PLEKHH1: variants seen among roughly 807,000 people sequenced by gnomAD.
PLEKHH1 encodes the protein pleckstrin homology domain-containing family H member 1.
In PLEKHH1, 104 loss-of-function variants were observed where a neutral mutation model predicts 160.0. That is an observed-to-expected ratio of 0.65 (90% CI 0.55 to 0.76). The LOEUF (loss-of-function observed/expected upper bound fraction) is 0.76, where lower values mean the gene tolerates loss of function less well. Among genes scored for constraint, PLEKHH1 ranks in the 30% least tolerant of loss-of-function variants. PLEKHH1 has a pLI of 0.00. For missense variants in PLEKHH1, 1,427 were observed against 1,724.1 expected, an observed-to-expected ratio of 0.83 and a Z score of 3.05; for synonymous variants, 619 against 678.4, an observed-to-expected ratio of 0.91 and a Z score of 1.36.
intron 1 of PLEKHH1, among the ~76,000 whole-genome samples, chr14:67,535,060 T>C (rs1353837840): frequency 6.6e-6 from 1 of 152,212 alleles, no homozygotes; most frequent in Non-Finnish European, 1.5e-5. Flanking sequence ...GTGGCAGATA[T>C]ATACTTTGAT....
intron 3 of PLEKHH1, among the ~76,000 whole-genome samples, chr14:67,556,168 G>A (rs1239375625): frequency 1.3e-5 from 2 of 152,222 alleles, no homozygotes; most frequent in East Asian, 3.8e-4. Flanking sequence ...CGTGGAACCT[G>A]TCCATTGAGG....
chr14:67,566,846 C>T (rs145204603), intron 7 of PLEKHH1, among the ~76,000 whole-genome samples: 173 of 151,728 alleles, frequency 1.1e-3, no homozygotes, highest in Middle Eastern at 3.4e-3. Flanking sequence ...AATGGGGAGA[C>T]GAGGAGTTAT....
At chr14:67,571,056 T>TC (rs1178585027) in intron 9 of PLEKHH1, 10 of 152,324 alleles carry the variant, frequency 6.6e-5, no homozygotes, top group Non-Finnish European at 1.3e-4. Flanking sequence ...CCAGTACCCT[T>TC]GGTATCGAAG....
chr14:67,575,572 C>T, intron 15 of PLEKHH1, 100 bp downstream of exon 15: 2 of 811,558 alleles, frequency 2.5e-6, no homozygotes, highest in South Asian at 1.5e-5. Context: ...CACGTAACCC[C>T]ACAATAAATA....
intron 18 of PLEKHH1, 146 bp from the exon 19 acceptor site, chr14:67,577,877 C>T: frequency 1.5e-6 from 1 of 662,402 alleles, no homozygotes; most frequent in Non-Finnish European, 2.5e-6. Context: ...AGCAGAGATG[C>T]CCTCCAACAG....
Position 67,574,170 on chromosome 14 carries a change from A to G in PLEKHH1, c.1927-72A>G. 3.6e-6 allele frequency: 5 copies of G among 1,390,578 alleles called. No individual in the cohort carries two copies. The highest frequency in any genetic ancestry group is 4.8e-6 in the Non-Finnish European group (5 of 1,033,604). The allele number at this position is 1,390,578 out of a possible 1,614,324, so 86.1% of individuals were successfully genotyped here. On this transcript the variant is annotated intron_variant, in intron 13 of 28. Transcript: ENST00000329153. This position sits in a 1 kb window ranked among gnomAD's most constrained non-coding sequence, Gnocchi z 4.2. ...CCCCTTGGGTTCAGGGACAGGTGCC[A>G]CCTCGGAGCCAGGTCCTGGTTACTC...
chr14:67,565,213 C>T (rs1037956559), intron 7 of PLEKHH1, among the ~76,000 whole-genome samples: 1 of 151,980 alleles, frequency 6.6e-6, no homozygotes, highest in Non-Finnish European at 1.5e-5. Context: ...TGCCCAAGGT[C>T]ATGTAGTAGT....
At chr14:67,586,520 C>A in intron 28 of PLEKHH1, 1 of 775,498 alleles carries the variant, frequency 1.3e-6, no homozygotes, top group Non-Finnish European at 1.9e-6. Context: ...GACAGTCCCA[C>A]AGTGCTCCCT....
rs557504381 is a variant in PLEKHH1 at position 67,580,802 on chromosome 14, G to A, written c.3184-136G>A. ...TTGGGTCCAGGAAGCATGAAGCTCC[G>A]CAGGTCAGCCTCCTGGTGGGAGGAC... On this transcript the variant is annotated intron_variant, in intron 22 of 28. Coordinates refer to ENST00000329153, the MANE Select transcript of PLEKHH1 (RefSeq NM_020715.3). The A allele has an allele frequency of 2.5e-4, 150 of 609,516 alleles. 5 individuals carry two copies. The highest frequency in any genetic ancestry group is 2.3e-3 in the South Asian group (115 of 50,970). The allele number at this position is 609,516 out of a possible 1,614,324, so 37.8% of individuals were successfully genotyped here.
intron 2 of PLEKHH1, among the ~76,000 whole-genome samples, chr14:67,546,386 T>C (rs552398311): frequency 7.8e-4 from 118 of 152,054 alleles, no homozygotes; most frequent in African/African-American, 2.7e-3. Context: ...TACATGTGTT[T>C]TTTGTTTTGT....
At position 67,570,024 on chromosome 14, in the gene PLEKHH1, C is replaced by T. The variant is rs1469997404; in HGVS notation, c.1434+12C>T. On this transcript the variant is annotated intron_variant, in intron 9 of 28. Coordinates refer to ENST00000329153, the MANE Select transcript of PLEKHH1 (RefSeq NM_020715.3). ...CAGCACTGAAGGGGGTAAGAAACTG[C>T]TGCACAAAGAGGGGGTGTCTCATCA... 2.2e-5 allele frequency: 34 copies of T among 1,533,688 alleles called. No individual in the cohort carries two copies. The highest frequency in any genetic ancestry group is 2.8e-5 in the Non-Finnish European group (31 of 1,114,888).
chr14:67,564,269 C>G (rs903961454), intron 7 of PLEKHH1, among the ~76,000 whole-genome samples: 1 of 152,088 alleles, frequency 6.6e-6, no homozygotes, highest in African/African-American at 2.4e-5. Context: ...TCTCAATGTG[C>G]TGGGATTATA....
chr14:67,543,018 A>G (rs539920367), intron 2 of PLEKHH1, among the ~76,000 whole-genome samples: 1 of 152,346 alleles, frequency 6.6e-6, no homozygotes, highest in South Asian at 2.1e-4. Context: ...GCTGGAAGAT[A>G]CATTCTAAAC....
At chr14:67,560,727 CT>C (rs11433194) in intron 5 of PLEKHH1, among the ~76,000 whole-genome samples, 1,870 of 126,386 alleles carry the variant, frequency 0.015, 39 homozygotes, top group African/African-American at 0.05. Flanking sequence ...GAACATATAT[CT>C]TTTTTTTTTT....
intron 27 of PLEKHH1, 68 bp downstream of exon 27, chr14:67,585,722 T>C: frequency 8.0e-7 from 1 of 1,256,774 alleles, no homozygotes; most frequent in Non-Finnish European, 1.1e-6. Flanking sequence ...TTCTCCTCTG[T>C]GGACTCAAAA....
intron 4 of PLEKHH1, 83 bp from the exon 5 acceptor site, chr14:67,559,525 G>T (rs111864995): frequency 1.1e-6 from 1 of 891,464 alleles, no homozygotes; most frequent in South Asian, 1.4e-5. Context: ...CGCACACTTG[G>T]CCTTTCTTGG....
chr14:67,574,399 C>A lies in PLEKHH1; in HGVS notation c.2084C>A (p.Thr695Asn), dbSNP rs920052425. ...GTKPTVKGWLTKVKHGHSKVV... is the reference protein window; with the variant it reads ...GTKPTVKGWLNKVKHGHSKVV... ...AAGCCCACCGTGAAGGGCTGGCTGA[C>A]CAAGGTAGAGGGTGGGGCTGATAGG... Residue 695 changes from threonine to asparagine, a missense_variant, in exon 14 of 29, where the codon ACC becomes AAC. Thr to Asn is a moderately conservative substitution (Grantham distance 65). Transcript: ENST00000329153. This position sits in a 1 kb window ranked among gnomAD's most constrained non-coding sequence, Gnocchi z 4.2. 5 of 1,568,550 alleles carry A rather than the reference C, an allele frequency of 3.2e-6. No homozygotes were observed. The highest frequency in any genetic ancestry group is 3.8e-5 in the Admixed American group (2 of 52,060).
At chr14:67,556,035 G>A (rs953150592) in intron 3 of PLEKHH1, 148 bp downstream of exon 3, 12 of 1,072,682 alleles carry the variant, frequency 1.1e-5, no homozygotes, top group Non-Finnish European at 1.2e-5. Context: ...CTTTCTGTGG[G>A]AGTAGAGTCT....
intron 2 of PLEKHH1, among the ~76,000 whole-genome samples, chr14:67,547,820 G>T (rs1223608699): frequency 1.3e-5 from 2 of 152,154 alleles, no homozygotes; most frequent in Non-Finnish European, 1.5e-5. Context: ...GTGCTAAAAA[G>T]AATTTTTTTA....
Sources: gnomAD v4.1 joint callset for allele counts (sites outside exome capture counted in the v4.1 genomes callset) on GRCh38, gnomAD v4.1.1 for gene constraint, Gnocchi (gnomAD v3.1) non-coding constraint, MANE v1.5 for transcripts, NCBI Gene and HGNC (gene_info 2026-07-23, HGNC 2026-07-21) for gene names.